Variants in WWP2 observed in about 807,000 individuals in gnomAD.
WWP2 encodes NEDD4-like E3 ubiquitin-protein ligase WWP2.
In WWP2, 57 loss-of-function variants were observed where a neutral mutation model predicts 121.0. The ratio of observed to expected loss-of-function variants is 0.47; its 90% CI spans 0.38 to 0.59. WWP2 has a LOEUF of 0.59. Ranked by LOEUF, WWP2 falls within the 20% of genes least tolerant of loss-of-function variation. The pLI, the probability that WWP2 is intolerant of heterozygous loss-of-function variation, is 0.00. For missense variants in WWP2, 962 were observed against 1,158.9 expected (o/e 0.83, Z 2.47); for synonymous variants, 449 against 441.3 (o/e 1.02, Z -0.22).
chr16:69,809,991 G>A (rs1364488357), intron 4 of WWP2, among the ~76,000 whole-genome samples: 1 of 152,220 alleles, frequency 6.6e-6, no homozygotes, highest in Non-Finnish European at 1.5e-5. Flanking sequence ...CGTGCATACA[G>A]TTGTGTAGGG....
At chr16:69,766,359 T>C (rs1404299286) in intron 1 of WWP2, among the ~76,000 whole-genome samples, 1 of 152,174 alleles carries the variant, frequency 6.6e-6, no homozygotes, top group Non-Finnish European at 1.5e-5. Flanking sequence ...CTGGCTGGCC[T>C]TCACTTTCTC....
At chr16:69,855,231 T>A (rs1274628210) in intron 6 of WWP2, among the ~76,000 whole-genome samples, 1 of 152,260 alleles carries the variant, frequency 6.6e-6, no homozygotes, top group Non-Finnish European at 1.5e-5. Flanking sequence ...CTGGGTTTCA[T>A]GAAGTTTTTC....
intron 10 of WWP2, among the ~76,000 whole-genome samples, chr16:69,918,597 T>G (rs1200436025): frequency 6.6e-6 from 1 of 152,200 alleles, no homozygotes; most frequent in Non-Finnish European, 1.5e-5. Context: ...AAAAAGTTTG[T>G]TATCTTTGGT....
Position 69,937,636 on chromosome 16 carries a change from T to A in WWP2, c.2327T>A (p.Ile776Asn). ...CACTACACCAAGAACAGCAAGCAGATCCAGTGGTTCTGGCAGGTGGGTCCC... is the reference window on the plus strand; with the variant it reads ...CACTACACCAAGAACAGCAAGCAGAACCAGTGGTTCTGGCAGGTGGGTCCC... ...YRHYTKNSKQ[I>N]QWFWQVVKEM... Residue 776 changes from isoleucine to asparagine, a missense_variant, in exon 21 of 24, where the codon ATC becomes AAC. Ile to Asn is a moderately radical substitution (Grantham distance 149). This residue lies in a region of WWP2 where 606 missense variants were observed against 772.6 expected (regional missense o/e 0.78). Transcript: ENST00000359154. This position sits in a 1 kb window ranked among gnomAD's most constrained non-coding sequence, Gnocchi z 6.6. 6.2e-7 allele frequency: 1 copy of A among 1,613,432 alleles called. No homozygotes were observed. The highest frequency in any genetic ancestry group is 8.5e-7 in the Non-Finnish European group (1 of 1,179,854).
intron 2 of WWP2, among the ~76,000 whole-genome samples, chr16:69,787,602 A>G (rs2055821616): frequency 6.6e-6 from 1 of 152,134 alleles, no homozygotes; most frequent in Non-Finnish European, 1.5e-5. Flanking sequence ...AACAAATTAA[A>G]ATAAAAACTG....
chr16:69,917,460 A>G (rs1270161312), intron 9 of WWP2: 11 of 416,338 alleles, frequency 2.6e-5, no homozygotes, highest in South Asian at 5.2e-5. Context: ...CAACCATGCA[A>G]CTCTGAGGTT....
At chr16:69,918,624 C>T (rs116019867) in intron 10 of WWP2, among the ~76,000 whole-genome samples, 1 of 152,350 alleles carries the variant, frequency 6.6e-6, no homozygotes, top group African/African-American at 2.4e-5. Flanking sequence ...GAGCCTCCTT[C>T]TTTCTGATGC....
At chr16:69,830,660 G>C (rs1343293707) in intron 4 of WWP2, among the ~76,000 whole-genome samples, 1 of 152,176 alleles carries the variant, frequency 6.6e-6, no homozygotes, top group Non-Finnish European at 1.5e-5. Context: ...GGAGTAAGCA[G>C]AGTCAGCATT....
intron 4 of WWP2, among the ~76,000 whole-genome samples, chr16:69,806,295 C>T (rs1353924338): frequency 1.3e-5 from 2 of 152,140 alleles, no homozygotes; most frequent in African/African-American, 4.8e-5. Flanking sequence ...ATAGACTATT[C>T]CTTGAAAATT....
intron 10 of WWP2, among the ~76,000 whole-genome samples, chr16:69,922,959 G>A (rs773864081): frequency 8.6e-5 from 13 of 151,718 alleles, no homozygotes; most frequent in South Asian, 2.1e-4. Flanking sequence ...GCGCAATCTC[G>A]GCTCACTGCA....
At chr16:69,875,700 A>G (rs1335994250) in intron 7 of WWP2, among the ~76,000 whole-genome samples, 1 of 152,218 alleles carries the variant, frequency 6.6e-6, no homozygotes, top group African/African-American at 2.4e-5. Flanking sequence ...CTCCTAATCT[A>G]TTCCAGTCTT....
intron 1 of WWP2, among the ~76,000 whole-genome samples, chr16:69,764,766 A>G (rs967364323): frequency 9.9e-5 from 15 of 152,250 alleles, no homozygotes; most frequent in African/African-American, 3.1e-4. Context: ...TGCTGTGAGC[A>G]TAAAATACAT....
rs1464238351 is a variant in WWP2, at chr16:69,831,826, CCTTT to C, written c.341-8299_341-8296del. 1.4e-4 allele frequency among the ~76,000 whole-genome samples: 20 copies of C among 146,382 alleles called. 1 individual carries two copies. The highest frequency in any genetic ancestry group is 1.5e-4 in the African/African-American group (6 of 38,794). Reference sequence around the variant, plus strand: ...CATGCTGGCATGGAAAAAAACAAAACCTTTTTTTTTTTTTTTTTTTTTGAGACAG... The same window carrying C: ...CATGCTGGCATGGAAAAAAACAAAACTTTTTTTTTTTTTTTTTTGAGACAG... On this transcript the variant is annotated intron_variant, in intron 4 of 23. Coordinates refer to ENST00000359154, the MANE Select transcript of WWP2 (RefSeq NM_001270454.2).
chr16:69,934,140 C>A lies in WWP2; in HGVS notation c.1842+11C>A. On this transcript the variant is annotated intron_variant, in intron 17 of 23. Coordinates refer to ENST00000359154, the MANE Select transcript of WWP2 (RefSeq NM_001270454.2). ...AGATTCATCGCCATGGTAAGGGGGC[C>A]CCAGGGGTCTGCCTAGTTCCCTCCT... 1 of 1,614,058 alleles carries A rather than the reference C, an allele frequency of 6.2e-7. No homozygotes were observed. The highest frequency in any genetic ancestry group is 2.2e-5 in the East Asian group (1 of 44,876).
intron 4 of WWP2, among the ~76,000 whole-genome samples, chr16:69,830,389 C>T (rs2056773503): frequency 1.3e-5 from 2 of 152,144 alleles, no homozygotes; most frequent in Non-Finnish European, 2.9e-5. Flanking sequence ...GTGCCCAGCC[C>T]AGGAAATGTT....
At chr16:69,841,049 A>G (rs932795247) in intron 5 of WWP2, among the ~76,000 whole-genome samples, 3 of 152,220 alleles carry the variant, frequency 2.0e-5, no homozygotes, top group African/African-American at 7.2e-5. Flanking sequence ...TGCTTGGAGA[A>G]AAACATGTGT....
intron 7 of WWP2, among the ~76,000 whole-genome samples, chr16:69,877,014 T>C (rs72785045): frequency 0.053 from 8,045 of 152,266 alleles, 273 homozygotes; most frequent in Middle Eastern, 0.11. Context: ...TAAGTGAACA[T>C]TGGCTTCAAC....
At chr16:69,833,239 T>C (rs532835057) in intron 4 of WWP2, among the ~76,000 whole-genome samples, 1 of 152,352 alleles carries the variant, frequency 6.6e-6, no homozygotes, top group African/African-American at 2.4e-5. Context: ...TTAGAGGTAG[T>C]CCTCCCTCTT....
chr16:69,841,881 G>A, intron 5 of WWP2, 143 bp from the exon 6 acceptor site: 1 of 709,222 alleles, frequency 1.4e-6, no homozygotes, highest in East Asian at 2.7e-5. Flanking sequence ...TCTCCTGGTG[G>A]CTGCAGCTTG....
Sources: allele counts gnomAD v4.1 joint callset (sites outside exome capture counted in the v4.1 genomes callset), GRCh38; gene constraint gnomAD v4.1.1; regional missense constraint gnomAD v4.1.1; non-coding constraint Gnocchi (gnomAD v3.1); transcripts MANE v1.5; gene names NCBI Gene and HGNC (gene_info 2026-07-23, HGNC 2026-07-21).